Variants in RGS6 observed in about 807,000 individuals in gnomAD.
RGS6 encodes regulator of G protein signaling 6.
A neutral mutation model predicts 78.5 loss-of-function variants in RGS6; 30 were observed. That is an observed-to-expected ratio of 0.38 (90% CI 0.29 to 0.52). RGS6 has a LOEUF of 0.52. Among genes scored for constraint, RGS6 ranks in the 20% least tolerant of loss-of-function variants. RGS6 has a pLI of 0.85. For synonymous variants in RGS6, 206 were observed against 206.0 expected, an observed-to-expected ratio of 1.00 and a Z score of 0.00; for missense variants, 495 against 609.7, an observed-to-expected ratio of 0.81 and a Z score of 1.98.
At chr14:72,545,736 G>A (rs2097387439) in intron 17 of RGS6, among the ~76,000 whole-genome samples, 1 of 152,162 alleles carries the variant, frequency 6.6e-6, no homozygotes, top group South Asian at 2.1e-4. Context: ...GGAGAACTGA[G>A]TGCCCCAGGC....
rs758903585 is a variant in RGS6, at chr14:72,465,739, A to G, written c.395-19A>G. On this transcript the variant is annotated intron_variant, in intron 6 of 17. Transcript: ENST00000553525. ...TGCTGCTGGTTTTGTACATGTTGTC[A>G]TTTCCTTTCTTCCCTCAGCCATCTA... The G allele has an allele frequency of 6.2e-7, 1 of 1,603,162 alleles. No individual in the cohort carries two copies. The highest frequency in any genetic ancestry group is 8.5e-7 in the Non-Finnish European group (1 of 1,170,230).
intron 2 of RGS6, among the ~76,000 whole-genome samples, chr14:72,157,301 T>G (rs961423221): frequency 1.3e-5 from 2 of 152,098 alleles, no homozygotes; most frequent in African/African-American, 4.8e-5. Flanking sequence ...TGGAGAGTGT[T>G]AGATGTCTGG....
intron 2 of RGS6, among the ~76,000 whole-genome samples, chr14:72,248,397 C>T (rs2153835423): frequency 6.6e-6 from 1 of 152,178 alleles, no homozygotes; most frequent in Admixed American, 6.5e-5. Flanking sequence ...TAAAAATTTC[C>T]TATTTATGTT....
rs568590919 is a variant in RGS6, at chr14:72,190,992, T to C, written c.85-161103T>C. 2.1e-4 allele frequency among the ~76,000 whole-genome samples: 32 copies of C among 152,314 alleles called. 1 individual carries two copies. Among genetic ancestry groups the C allele is most frequent in the Admixed American group, 1.7e-3 (26 of 15,300 alleles). ...ACTAGCAATATGTTTCTTTTCTCAATGGTTTGCTCTCCTTTGCTCATTTTG... is the reference window on the plus strand; with the variant it reads ...ACTAGCAATATGTTTCTTTTCTCAACGGTTTGCTCTCCTTTGCTCATTTTG... On this transcript the variant is annotated intron_variant, in intron 2 of 17. Transcript: ENST00000553525.
chr14:72,583,063 A>ACT, the RGS6 span, among the ~76,000 whole-genome samples: 1 of 151,976 alleles, frequency 6.6e-6, no homozygotes, highest in South Asian at 2.1e-4. Context: ...GAACTGGGAC[A>ACT]CTCTTCTCCT....
At chr14:71,911,478 C>T in the RGS6 span, among the ~76,000 whole-genome samples, 82 of 152,302 alleles carry the variant, frequency 5.4e-4, 2 homozygotes, top group African/African-American at 1.9e-3. Flanking sequence ...AGAAATATTA[C>T]ACAGGCACCT....
intron 3 of RGS6, among the ~76,000 whole-genome samples, chr14:72,375,755 C>G (rs1017795251): frequency 1.4e-4 from 22 of 152,206 alleles, no homozygotes; most frequent in African/African-American, 5.3e-4. Context: ...ATAAATATCG[C>G]TAGTATGGAT....
At chr14:72,299,676 G>T (rs930575717) in intron 2 of RGS6, among the ~76,000 whole-genome samples, 3 of 152,164 alleles carry the variant, frequency 2.0e-5, no homozygotes, top group African/African-American at 7.2e-5. Context: ...AGCCATCCTA[G>T]TGGGTGTGAA....
chr14:72,357,207 GGTT>G (rs1307686768), intron 3 of RGS6, among the ~76,000 whole-genome samples: 1 of 151,972 alleles, frequency 6.6e-6, no homozygotes, highest in African/African-American at 2.4e-5. Flanking sequence ...AGGCAGCAGA[GGTT>G]GTGGTGAGCT....
the RGS6 span, among the ~76,000 whole-genome samples, chr14:71,885,020 C>G: frequency 6.6e-6 from 1 of 152,170 alleles, no homozygotes; most frequent in Non-Finnish European, 1.5e-5. Context: ...TGGAAACTGA[C>G]AGCACTGCAA....
chr14:72,573,631 C>T, the RGS6 span, among the ~76,000 whole-genome samples: 1 of 152,210 alleles, frequency 6.6e-6, no homozygotes. Context: ...CTCCTATTCA[C>T]TTCTTCTCCA....
intron 2 of RGS6, among the ~76,000 whole-genome samples, chr14:72,341,465 G>T (rs905480665): frequency 6.6e-6 from 1 of 152,190 alleles, no homozygotes; most frequent in Non-Finnish European, 1.5e-5. Flanking sequence ...ACATATGTAT[G>T]CAAGTACTGG....
intron 2 of RGS6, among the ~76,000 whole-genome samples, chr14:71,987,854 A>T (rs1053783161): frequency 1.3e-5 from 2 of 152,162 alleles, no homozygotes; most frequent in African/African-American, 4.8e-5. Flanking sequence ...TATGATACTA[A>T]ACAATACAGT....
chr14:72,290,236 T>C (rs2063347245), intron 2 of RGS6, among the ~76,000 whole-genome samples: 1 of 152,244 alleles, frequency 6.6e-6, no homozygotes, highest in African/African-American at 2.4e-5. Context: ...GTATGCTGCA[T>C]AAACCCTATT....
At chr14:72,245,120 C>G (rs570861415) in intron 2 of RGS6, among the ~76,000 whole-genome samples, 5 of 152,324 alleles carry the variant, frequency 3.3e-5, no homozygotes, top group Admixed American at 6.5e-5. Flanking sequence ...TTCTTTCTAC[C>G]TGTCTTAAGT....
Position 72,273,002 on chromosome 14 carries a change from G to C in RGS6, c.85-79093G>C, listed in dbSNP as rs533891300. On this transcript the variant is annotated intron_variant, in intron 2 of 17. Coordinates refer to ENST00000553525, the MANE Select transcript of RGS6 (RefSeq NM_001204424.2). The stretch of plus-strand genomic sequence containing the variant: ...GTGGTGGCAGGTGCCTGTAATCCCA[G>C]CTACTTGGGAAGCTGAGGCGGGAGA... Among the ~76,000 whole-genome samples the C allele has an allele frequency of 4.6e-5, 7 of 152,264 alleles. No homozygotes were observed. The South Asian group carries it at 1.5e-3, about 32-fold the overall frequency.
At chr14:72,313,081 A>C (rs2069059849) in intron 2 of RGS6, among the ~76,000 whole-genome samples, 1 of 152,166 alleles carries the variant, frequency 6.6e-6, no homozygotes, top group Non-Finnish European at 1.5e-5. Context: ...GCCCCTTACT[A>C]GCTGGGTGGG....
chr14:72,374,184 C>T (rs1203689461), intron 3 of RGS6, among the ~76,000 whole-genome samples: 11 of 152,064 alleles, frequency 7.2e-5, no homozygotes, highest in Non-Finnish European at 1.3e-4. Flanking sequence ...TGGTGTGCTG[C>T]ACCCATTAAC....
intron 2 of RGS6, among the ~76,000 whole-genome samples, chr14:71,982,210 C>T (rs539943604): frequency 2.8e-4 from 42 of 151,248 alleles, no homozygotes; most frequent in East Asian, 1.2e-3. Context: ...GAGATGAACC[C>T]GGTACCTCAG....
Sources: allele counts gnomAD v4.1 joint callset (sites outside exome capture counted in the v4.1 genomes callset), GRCh38; gene constraint gnomAD v4.1.1; transcripts MANE v1.5; gene names NCBI Gene and HGNC (gene_info 2026-07-23, HGNC 2026-07-21).